Variants in MFHAS1 observed in about 807,000 individuals in gnomAD.
MFHAS1 encodes the protein multifunctional ROCO family signaling regulator 1.
A neutral mutation model predicts 70.4 loss-of-function variants in MFHAS1; 50 were observed. That is an observed-to-expected ratio of 0.71 (90% CI 0.57 to 0.90). MFHAS1 has a LOEUF of 0.90. MFHAS1 is among the 40% of genes least tolerant of loss of function. The pLI is 0.00. For missense variants in MFHAS1, 1,795 were observed against 1,347.6 expected, an observed-to-expected ratio of 1.33 and a Z score of -5.20; for synonymous variants, 952 against 620.0, an observed-to-expected ratio of 1.54 and a Z score of -7.96.
At chr8:8,814,894 A>C (rs912737044) in intron 1 of MFHAS1, among the ~76,000 whole-genome samples, 27 of 148,008 alleles carry the variant, frequency 1.8e-4, no homozygotes, top group African/African-American at 5.5e-4. Context: ...GGGTACATGT[A>C]CAGGATGTGC....
rs533294549 is a variant in MFHAS1, at chr8:8,799,953, G to T, written c.2999-2462C>A. 3.9e-5 allele frequency among the ~76,000 whole-genome samples: 6 copies of T among 152,282 alleles called. No homozygotes were observed. The South Asian group carries it at 1.2e-3, about 32-fold the overall frequency. On this transcript the variant is annotated intron_variant, in intron 1 of 2. Transcript: ENST00000276282. ...CTAATGCTCAGGGAGGTTATGCGAT[G>T]TACCCAGAGTCAGGAGCTAACCAGC... is the stretch of plus-strand genomic sequence containing the variant.
chr8:8,815,023 G>A (rs540388073), intron 1 of MFHAS1, among the ~76,000 whole-genome samples: 29 of 151,762 alleles, frequency 1.9e-4, no homozygotes, highest in South Asian at 1.7e-3. Context: ...CTTTCTCACC[G>A]CCCCCCACAC....
At chr8:8,815,551 T>G (rs1267725073) in intron 1 of MFHAS1, among the ~76,000 whole-genome samples, 2 of 152,236 alleles carry the variant, frequency 1.3e-5, no homozygotes, top group African/African-American at 2.4e-5. Flanking sequence ...TTTTTAATAA[T>G]TGCCATTCTG....
At chr8:8,831,328 G>C (rs2117323918) in intron 1 of MFHAS1, among the ~76,000 whole-genome samples, 1 of 152,154 alleles carries the variant, frequency 6.6e-6, no homozygotes, top group Non-Finnish European at 1.5e-5. Context: ...TTTGAAAAAT[G>C]ATACTCTTAC....
intron 1 of MFHAS1, among the ~76,000 whole-genome samples, chr8:8,856,768 T>C (rs1291833582): frequency 1.3e-5 from 2 of 151,990 alleles, no homozygotes; most frequent in Non-Finnish European, 2.9e-5. Context: ...GGTCAATTAA[T>C]GAGTTAATGG....
chr8:8,834,904 T>C (rs989568895), intron 1 of MFHAS1, among the ~76,000 whole-genome samples: 1 of 152,228 alleles, frequency 6.6e-6, no homozygotes, highest in East Asian at 1.9e-4. Context: ...GCAATAATTG[T>C]GGGACACCAT....
chr8:8,803,570 T>G (rs534382741), intron 1 of MFHAS1, among the ~76,000 whole-genome samples: 15 of 147,218 alleles, frequency 1.0e-4, no homozygotes, highest in Non-Finnish European at 1.9e-4. Context: ...GTACTGAACA[T>G]GTATAGACCT....
chr8:8,857,256 T>G (rs1330418181), intron 1 of MFHAS1, among the ~76,000 whole-genome samples: 2 of 152,218 alleles, frequency 1.3e-5, no homozygotes, highest in African/African-American at 4.8e-5. Context: ...GTTACTAAAC[T>G]GCCAATGCAA....
At chr8:8,862,988 T>C (rs1808723761) in intron 1 of MFHAS1, among the ~76,000 whole-genome samples, 1 of 152,212 alleles carries the variant, frequency 6.6e-6, no homozygotes, top group Non-Finnish European at 1.5e-5. Flanking sequence ...AGCACTTACA[T>C]TTAGATCGAT....
chr8:8,857,827 T>A, intron 1 of MFHAS1, among the ~76,000 whole-genome samples: 1 of 152,118 alleles, frequency 6.6e-6, no homozygotes, highest in East Asian at 1.9e-4. Context: ...TACAGTGACA[T>A]TGACAAGTTA....
At chr8:8,798,102 T>C (rs1805971884) in intron 1 of MFHAS1, among the ~76,000 whole-genome samples, 2 of 152,214 alleles carry the variant, frequency 1.3e-5, no homozygotes, top group Admixed American at 6.5e-5. Context: ...ATTAACCTAA[T>C]GGATCACCAC....
chr8:8,843,553 C>G (rs1362874193), intron 1 of MFHAS1, among the ~76,000 whole-genome samples: 1 of 152,134 alleles, frequency 6.6e-6, no homozygotes, highest in Admixed American at 6.5e-5. Flanking sequence ...TGCATGCCAG[C>G]CTGGGCTAAA....
chr8:8,839,084 A>G (rs960615318), intron 1 of MFHAS1, among the ~76,000 whole-genome samples: 2 of 152,216 alleles, frequency 1.3e-5, no homozygotes, highest in African/African-American at 2.4e-5. Flanking sequence ...AAAATTTATG[A>G]GAACAATAAA....
intron 1 of MFHAS1, among the ~76,000 whole-genome samples, chr8:8,889,633 A>T (rs192847707): frequency 1.2e-4 from 19 of 152,354 alleles, no homozygotes; most frequent in Non-Finnish European, 2.4e-4. Flanking sequence ...AAAAATTGTG[A>T]CACTGGACAC....
chr8:8,821,384 C>A (rs1379170630), intron 1 of MFHAS1, among the ~76,000 whole-genome samples: 2 of 152,212 alleles, frequency 1.3e-5, no homozygotes, highest in Non-Finnish European at 2.9e-5. Flanking sequence ...TTACAGAATG[C>A]AAGTAAGTAT....
At chr8:8,839,824 G>C (rs1563198469) in intron 1 of MFHAS1, among the ~76,000 whole-genome samples, 1 of 152,164 alleles carries the variant, frequency 6.6e-6, no homozygotes, top group East Asian at 1.9e-4. Context: ...AAGAAACAAA[G>C]AATATCTCAT....
intron 2 of MFHAS1, among the ~76,000 whole-genome samples, chr8:8,792,142 C>T (rs1489830095): frequency 2.7e-5 from 4 of 149,996 alleles, no homozygotes; most frequent in Non-Finnish European, 5.9e-5. Context: ...GCAGGGATAA[C>T]AGGAGAATCA....
intron 1 of MFHAS1, among the ~76,000 whole-genome samples, chr8:8,858,200 T>C (rs948400108): frequency 2.0e-5 from 3 of 152,082 alleles, no homozygotes; most frequent in Admixed American, 2.0e-4. Flanking sequence ...AGGAAGGAAA[T>C]TGTTTAGTAA....
intron 1 of MFHAS1, among the ~76,000 whole-genome samples, chr8:8,850,775 C>T (rs542644610): frequency 2.2e-5 from 3 of 134,668 alleles, no homozygotes; most frequent in South Asian, 4.7e-4. Context: ...CAGTGAGTGG[C>T]GATCGTGCCT....
Sources: gnomAD v4.1 joint callset for allele counts (sites outside exome capture counted in the v4.1 genomes callset) on GRCh38, gnomAD v4.1.1 for gene constraint, MANE v1.5 for transcripts, NCBI Gene and HGNC (gene_info 2026-07-23, HGNC 2026-07-21) for gene names.